The following GFPT2 variants were observed in gnomAD, a reference collection of about 807,000 sequenced individuals.
The protein encoded by GFPT2 is glutamine--fructose-6-phosphate transaminase 2, also known as glutamine--fructose-6-phosphate aminotransferase [isomerizing] 2.
A neutral mutation model predicts 85.6 loss-of-function variants in GFPT2; 62 were observed. The ratio of observed to expected loss-of-function variants is 0.72; its 90% CI spans 0.59 to 0.90. GFPT2 has a LOEUF of 0.90. Ranked by LOEUF, GFPT2 falls within the 40% of genes least tolerant of loss-of-function variation. GFPT2 has a pLI of 0.00. For synonymous variants in GFPT2, 368 were observed against 344.5 expected (o/e 1.07, Z -0.75); for missense variants, 788 against 893.4 (o/e 0.88, Z 1.50).
chr5:180,353,028 G>T, intron 1 of GFPT2, 183 bp downstream of exon 1: 1 of 422,600 alleles, frequency 2.4e-6, no homozygotes, highest in Non-Finnish European at 3.9e-6. Flanking sequence ...ACGGCCACTC[G>T]GGGAACGCGG....
intron 4 of GFPT2, among the ~76,000 whole-genome samples, chr5:180,335,055 G>A (rs1561881655): frequency 6.6e-6 from 1 of 152,212 alleles, no homozygotes. Flanking sequence ...GTGACTGGGC[G>A]AACAGGAGAG....
intron 13 of GFPT2, 52 bp from the exon 14 acceptor site, chr5:180,314,016 C>T: frequency 6.6e-7 from 1 of 1,511,094 alleles, no homozygotes; most frequent in Non-Finnish European, 8.9e-7. Flanking sequence ...TCGGCCCCAC[C>T]CCAAACCCCT....
chr5:180,334,248 G>A (rs4700943), intron 4 of GFPT2, among the ~76,000 whole-genome samples: 3 of 152,156 alleles, frequency 2.0e-5, no homozygotes, highest in African/African-American at 7.2e-5. Flanking sequence ...CCACCAAGCT[G>A]CTCTGCTGAG....
At chr5:180,313,357 C>G (rs890487840) in intron 14 of GFPT2, among the ~76,000 whole-genome samples, 6 of 151,128 alleles carry the variant, frequency 4.0e-5, no homozygotes, top group Non-Finnish European at 1.5e-5. Flanking sequence ...TTTGGGAGGC[C>G]GAGGCGGGCG....
At chr5:180,305,023 G>T (rs1183898809) in intron 16 of GFPT2, 84 bp from the exon 17 acceptor site, 1 of 968,738 alleles carries the variant, frequency 1.0e-6, no homozygotes, top group Admixed American at 1.9e-5. Context: ...GGGAACCAGG[G>T]GAAGGATGAC....
In GFPT2 at chr5:180,307,186, T is replaced by C; in HGVS notation, c.1664A>G (p.Glu555Gly). 1 of 1,580,062 alleles carries C rather than the reference T, an allele frequency of 6.3e-7. No individual in the cohort carries two copies. Among genetic ancestry groups the C allele is most frequent in the Non-Finnish European group, 8.6e-7 (1 of 1,164,034 alleles). The change falls in exon 16 of 19, where the codon GAA becomes GGA. Residue 555 changes from glutamate (E) to glycine (G), a missense_variant. Coordinates refer to ENST00000253778, the MANE Select transcript of GFPT2 (RefSeq NM_005110.4). ...GGGGTGGGGGCTCACCAGGGCTCCT[T>C]CCAGGCAGGTGGCATAGTTGTAGCC... Reference protein sequence around the residue: ...GRGYNYATCLEGALKIKEITY... With the variant: ...GRGYNYATCLGGALKIKEITY...
In GFPT2 at chr5:180,307,225, A is replaced by G; in HGVS notation, c.1625T>C (p.Leu542Pro). ...ATAGTTGTAGCCCCGCCCCATCACC[A>G]GCAGCGATCTCTGCGTGTAGAGCTC... is the stretch of plus-strand genomic sequence containing the variant. ...ALELYTQRSL[L>P]VMGRGYNYAT... The change falls in exon 16 of 19, where the codon CTG (leucine) becomes CCG (proline). Residue 542 changes from leucine to proline, a missense_variant. Transcript: ENST00000253778. The G allele has an allele frequency of 6.2e-7, 1 of 1,612,542 alleles. No homozygotes were observed. The highest frequency in any genetic ancestry group is 8.5e-7 in the Non-Finnish European group (1 of 1,179,458).
chr5:180,319,930 CAAAGGAGCCCTA>C (rs1177403906), intron 9 of GFPT2, among the ~76,000 whole-genome samples: 1 of 152,130 alleles, frequency 6.6e-6, no homozygotes, highest in Non-Finnish European at 1.5e-5. Flanking sequence ...CACACATACA[CAAAGGAGCCCTA>C]AAAGTAGTCT....
chr5:180,333,157 T>G (rs1158523172), intron 4 of GFPT2, among the ~76,000 whole-genome samples: 2 of 152,226 alleles, frequency 1.3e-5, no homozygotes, highest in Non-Finnish European at 2.9e-5. Flanking sequence ...GTTACCCATA[T>G]GTTGGATCCA....
rs1444808077 is a variant in GFPT2, at chr5:180,323,176, T to C, written c.794+1012A>G. Among the ~76,000 whole-genome samples, 1 of 152,222 alleles carries C rather than the reference T, an allele frequency of 6.6e-6. No homozygotes were observed. The highest frequency in any genetic ancestry group is 2.4e-5 in the African/African-American group (1 of 41,468). The stretch of plus-strand genomic sequence containing the variant: ...ATTCTAATGGTACTATGCCAAAATC[T>C]ACAATTCTCCGTGTTTTAGAATCAC... On this transcript the variant is annotated intron_variant, in intron 9 of 18. Coordinates refer to ENST00000253778, the MANE Select transcript of GFPT2 (RefSeq NM_005110.4). This position sits in a 1 kb window ranked among gnomAD's most constrained non-coding sequence, Gnocchi z 4.0.
At chr5:180,312,933 C>T (rs1268811144) in intron 14 of GFPT2, among the ~76,000 whole-genome samples, 1 of 152,072 alleles carries the variant, frequency 6.6e-6, no homozygotes, top group South Asian at 2.1e-4. Flanking sequence ...CCCGCCACCA[C>T]ACCCGACTAA....
rs73811447 is a variant in GFPT2 at position 180,348,370 on chromosome 5, T to G, written c.7+4841A>C. Among the ~76,000 whole-genome samples the G allele has an allele frequency of 2.6e-5, 4 of 152,328 alleles. No individual in the cohort carries two copies. The South Asian group carries it at 8.3e-4, about 32-fold the overall frequency. On this transcript the variant is annotated intron_variant, in intron 1 of 18. Coordinates refer to ENST00000253778, the MANE Select transcript of GFPT2 (RefSeq NM_005110.4). ...ACAGGTGTGGAGAGTCCCCTGGGCC[T>G]TGGGCAAGGGCTGCTGAGGAGCTGT...
At chr5:180,314,041 C>T (rs1044617199) in intron 13 of GFPT2, 77 bp from the exon 14 acceptor site, 53 of 1,404,892 alleles carry the variant, frequency 3.8e-5, no homozygotes, top group Non-Finnish European at 4.8e-5. Context: ...CCTTCACCGC[C>T]GGCTCTTACA....
intron 1 of GFPT2, among the ~76,000 whole-genome samples, chr5:180,348,753 C>CT (rs1561885883): frequency 8.0e-5 from 10 of 124,278 alleles, no homozygotes; most frequent in African/African-American, 2.7e-4. Flanking sequence ...TTTTTGTTTT[C>CT]TTTTTTTGAG....
At chr5:180,325,280 G>A (rs926148992) in intron 7 of GFPT2, among the ~76,000 whole-genome samples, 5 of 152,106 alleles carry the variant, frequency 3.3e-5, no homozygotes, top group Non-Finnish European at 7.4e-5. Context: ...CAGCCTCGAC[G>A]GCAGCGCATC....
At position 180,330,866 on chromosome 5, in the gene GFPT2, T is replaced by C. The variant is rs374294370; in HGVS notation, c.400-32A>G. The C allele has an allele frequency of 5.9e-5, 95 of 1,609,826 alleles. 1 individual carries two copies. The highest frequency in any genetic ancestry group is 6.6e-5 in the South Asian group (6 of 90,694). On this transcript the variant is annotated intron_variant, in intron 5 of 18. Coordinates refer to ENST00000253778, the MANE Select transcript of GFPT2 (RefSeq NM_005110.4). The surrounding 1 kb of genome is among the most constrained non-coding windows in gnomAD (Gnocchi z 4.4). ...TATGCAGTCGGCACAGTGTGAGAGA[T>C]TGGTCATTGCACAATGCCTGCCTGG...
At chr5:180,325,436 AT>A (rs973017867) in intron 7 of GFPT2, among the ~76,000 whole-genome samples, 9 of 152,098 alleles carry the variant, frequency 5.9e-5, no homozygotes, top group African/African-American at 2.2e-4. Flanking sequence ...ACATAAGGTG[AT>A]TTCTTGGGTG....
intron 4 of GFPT2, 134 bp downstream of exon 4, chr5:180,335,694 C>T (rs1309526905): frequency 7.5e-6 from 7 of 933,010 alleles, no homozygotes; most frequent in African/African-American, 5.3e-5. Context: ...AGGGGACATC[C>T]GCATTCTCTT....
At chr5:180,312,583 A>C (rs748815376) in intron 14 of GFPT2, 39 bp from the exon 15 acceptor site, 2 of 1,074,988 alleles carry the variant, frequency 1.9e-6, no homozygotes, top group South Asian at 2.5e-5. Flanking sequence ...CCTTATTTTC[A>C]CTTTTTAAAT....
Sources: allele counts gnomAD v4.1 joint callset (sites outside exome capture counted in the v4.1 genomes callset), GRCh38; gene constraint gnomAD v4.1.1; non-coding constraint Gnocchi (gnomAD v3.1); transcripts MANE v1.5; gene names NCBI Gene and HGNC (gene_info 2026-07-23, HGNC 2026-07-21).